ZNF430: variants seen among roughly 807,000 people sequenced by gnomAD.
ZNF430 encodes the protein zinc finger protein 430.
Under a neutral mutation model 56.7 loss-of-function variants are expected in ZNF430, and 35 were observed. The ratio of observed to expected loss-of-function variants is 0.62; its 90% CI spans 0.47 to 0.82. The LOEUF is 0.82. Among genes scored for constraint, ZNF430 ranks in the 40% least tolerant of loss-of-function variants. The pLI is 0.00. For missense variants in ZNF430, 574 were observed against 661.0 expected (o/e 0.87, Z 1.44); for synonymous variants, 212 against 224.3 (o/e 0.94, Z 0.49).
In ZNF430 at chr19:21,022,564, T is replaced by G. The variant is rs145073088; in HGVS notation, c.4-225T>G. On this transcript the variant is annotated intron_variant, in intron 1 of 4. Transcript: ENST00000261560. Reference sequence around the variant, plus strand: ...CTGTGTTGTAAAAACTCTCTGTGCTTCTTCTCCTTGTATCTTCTCTGGGCA... The same window carrying G: ...CTGTGTTGTAAAAACTCTCTGTGCTGCTTCTCCTTGTATCTTCTCTGGGCA... Among the ~76,000 whole-genome samples the G allele has an allele frequency of 4.0e-3, 612 of 152,230 alleles. 2 individuals carry two copies. The highest frequency in any genetic ancestry group is 0.014 in the African/African-American group (576 of 41,534).
At chr19:21,027,105 G>A (rs979359831) in intron 2 of ZNF430, among the ~76,000 whole-genome samples, 2 of 152,016 alleles carry the variant, frequency 1.3e-5, no homozygotes, top group South Asian at 4.1e-4. Context: ...TGGGATTACA[G>A]GCGTGAGCCC....
In ZNF430 at chr19:21,057,964, G is replaced by C; in HGVS notation, c.1656G>C (p.Gln552His). The change falls in exon 5 of 5, where the codon CAG (glutamine) becomes CAC (histidine). Residue 552 changes from glutamine (Q) to histidine (H), a missense_variant. Gln to His is a conservative substitution (Grantham distance 24, BLOSUM62 0). Coordinates refer to ENST00000261560, the MANE Select transcript of ZNF430 (RefSeq NM_025189.4). ...NCEEYGKAFN[Q>H]SSNLIEQSNS... ...AAGAATACGGCAAAGCTTTCAACCAGTCCTCAAACCTTATTGAACAAAGTA... is the reference window on the plus strand; with the variant it reads ...AAGAATACGGCAAAGCTTTCAACCACTCCTCAAACCTTATTGAACAAAGTA... The C allele has an allele frequency of 6.2e-7, 1 of 1,610,948 alleles. No individual in the cohort carries two copies. The highest frequency in any genetic ancestry group is 8.5e-7 in the Non-Finnish European group (1 of 1,178,984).
intron 4 of ZNF430, among the ~76,000 whole-genome samples, chr19:21,042,647 G>A (rs1168135743): frequency 6.6e-6 from 1 of 152,080 alleles, no homozygotes; most frequent in Non-Finnish European, 1.5e-5. Flanking sequence ...AATTAGCTGG[G>A]CGTGGTGGCG....
At chr19:21,054,204 T>G (rs1968332148) in intron 4 of ZNF430, among the ~76,000 whole-genome samples, 1 of 152,158 alleles carries the variant, frequency 6.6e-6, no homozygotes, top group South Asian at 2.1e-4. Context: ...AAAAATTCAA[T>G]TTTTGTGTTT....
intron 4 of ZNF430, among the ~76,000 whole-genome samples, chr19:21,038,298 C>T (rs1968039543): frequency 6.6e-6 from 1 of 151,776 alleles, no homozygotes; most frequent in Non-Finnish European, 1.5e-5. Context: ...CTATTGTTTC[C>T]TCTTGGCAGC....
intron 4 of ZNF430, chr19:21,053,310 T>C (rs758908146): frequency 2.0e-5 from 3 of 152,254 alleles, no homozygotes; most frequent in South Asian, 2.1e-4. Flanking sequence ...TTTATTTCCA[T>C]GTAACCTGCT....
intron 4 of ZNF430, among the ~76,000 whole-genome samples, chr19:21,041,076 T>C (rs1968093983): frequency 6.6e-6 from 1 of 152,234 alleles, no homozygotes; most frequent in African/African-American, 2.4e-5. Context: ...AGACAGCGTA[T>C]TGTATGCTTT....
rs920404657 is a variant in ZNF430, at chr19:21,025,732, G to A, written c.96+2851G>A. ...CTCCCCAGTAGCTGGGATTACAGGC[G>A]CCTACCACCATGCCTGGCTAATTTT... On this transcript the variant is annotated intron_variant, in intron 2 of 4. Transcript: ENST00000261560. Among the ~76,000 whole-genome samples, 5 of 146,684 alleles carry A rather than the reference G, an allele frequency of 3.4e-5. No homozygotes were observed. In the South Asian group the frequency reaches 1.1e-3, roughly 32 times the overall value.
At chr19:21,030,718 A>G (rs1352632878) in intron 2 of ZNF430, among the ~76,000 whole-genome samples, 5 of 152,124 alleles carry the variant, frequency 3.3e-5, no homozygotes, top group African/African-American at 1.2e-4. Context: ...ATCAGCATTG[A>G]CAGGGAACTT....
At position 21,058,606 on chromosome 19, in the gene ZNF430, C is replaced by T. The variant is rs1460138989; in HGVS notation, c.*585C>T. ...TGTGACAAGGCCTTTAAATGGTTGT[C>T]ACACTTCATTATAGGTAAGATAGTT... On this transcript the variant is annotated 3_prime_UTR_variant, in exon 5 of 5. Transcript: ENST00000261560. 1 of 157,082 alleles carries T rather than the reference C, an allele frequency of 6.4e-6. No individual in the cohort carries two copies. Among genetic ancestry groups the T allele is most frequent in the Non-Finnish European group, 1.4e-5 (1 of 69,008 alleles). The allele number at this position is 157,082 out of a possible 1,614,324, so 9.7% of individuals were successfully genotyped here.
chr19:21,020,712 C>A lies in ZNF430; in HGVS notation c.-89C>A. 1 of 1,567,074 alleles carries A rather than the reference C, an allele frequency of 6.4e-7. No individual in the cohort carries two copies. Among genetic ancestry groups the A allele is most frequent in the Non-Finnish European group, 8.8e-7 (1 of 1,139,074 alleles). On this transcript the variant is annotated 5_prime_UTR_variant, in exon 1 of 5. Transcript: ENST00000261560. ...CGTCTTCAGCGCTCTGTGTCCTCTG[C>A]TCCTAGAGGTCCAGGCTCTGTGGCC...
At chr19:21,030,080 G>T (rs1226799005) in intron 2 of ZNF430, among the ~76,000 whole-genome samples, 2 of 145,230 alleles carry the variant, frequency 1.4e-5, no homozygotes, top group Admixed American at 6.9e-5. Flanking sequence ...TTTATTTTAG[G>T]ATCTTATTTT....
Position 21,056,907 on chromosome 19 carries a change from C to T in ZNF430, c.599C>T (p.Thr200Ile), listed in dbSNP as rs1245643397. 2 of 1,612,408 alleles carry T rather than the reference C, an allele frequency of 1.2e-6. No homozygotes were observed. Among genetic ancestry groups the T allele is most frequent in the South Asian group, 1.1e-5 (1 of 90,712 alleles). ...SNPNIQKIRH[T>I]GKKPFKCKKC... ...CCAAATATACAAAAGATAAGACATACTGGAAAGAAGCCTTTCAAATGTAAA... is the reference window on the plus strand; with the variant it reads ...CCAAATATACAAAAGATAAGACATATTGGAAAGAAGCCTTTCAAATGTAAA... Residue 200 changes from threonine (T) to isoleucine (I), a missense_variant, in exon 5 of 5, where the codon ACT (threonine) becomes ATT (isoleucine). Transcript: ENST00000261560.
intron 4 of ZNF430, among the ~76,000 whole-genome samples, chr19:21,048,862 C>A (rs12985132): frequency 0.69 from 104,697 of 151,652 alleles, 40,078 homozygotes; most frequent in East Asian, 0.87. Context: ...AGGGGCTGCC[C>A]CCCACCTCCC....
At position 21,057,147 on chromosome 19, in the gene ZNF430, A is replaced by G; in HGVS notation, c.839A>G (p.Lys280Arg). ...CAGTCCTCAACCCTTACTACACATA[A>G]GATAATTCATACTGGAGAGAAACCC... is the stretch of plus-strand genomic sequence containing the variant. ...FKQSSTLTTH[K>R]IIHTGEKPYR... The change falls in exon 5 of 5, where the codon AAG becomes AGG. Residue 280 changes from lysine to arginine, a missense_variant. Around this residue, in one of 3 missense-constraint regions of ZNF430, gnomAD observed 346 missense variants for 399.1 expected, o/e 0.87. Coordinates refer to ENST00000261560, the MANE Select transcript of ZNF430 (RefSeq NM_025189.4). 1 of 1,614,066 alleles carries G rather than the reference A, an allele frequency of 6.2e-7. No homozygotes were observed. Among genetic ancestry groups the G allele is most frequent in the East Asian group, 2.2e-5 (1 of 44,866 alleles).
Position 21,033,541 on chromosome 19 carries a change from GAA to G in ZNF430, c.185_186del (p.Lys62SerfsTer19), listed in dbSNP as rs1379886590. On this transcript the variant is annotated frameshift_variant, in exon 3 of 5. Coordinates refer to ENST00000261560, the MANE Select transcript of ZNF430 (RefSeq NM_025189.4). LOFTEE classifies it high-confidence loss of function. ...GACACTGCTCAGCAGGATTTGTATA[GAA>G]AAGTGATGTTAGAGAACTACAGAAA... The G allele has an allele frequency of 1.2e-6, 2 of 1,611,218 alleles. No homozygotes were observed. Among genetic ancestry groups the G allele is most frequent in the African/African-American group, 2.7e-5 (2 of 74,826 alleles).
chr19:21,026,956 A>C (rs1191392793), intron 2 of ZNF430, among the ~76,000 whole-genome samples: 1 of 144,710 alleles, frequency 6.9e-6, no homozygotes, highest in African/African-American at 2.5e-5. Flanking sequence ...CAGCCTCCTG[A>C]GTAGCTGGGA....
intron 2 of ZNF430, among the ~76,000 whole-genome samples, chr19:21,025,629 C>T (rs1022990139): frequency 6.6e-6 from 1 of 152,098 alleles, no homozygotes; most frequent in Non-Finnish European, 1.5e-5. Flanking sequence ...CTCTGTTGCC[C>T]AGGCTGGAGT....
chr19:21,039,450 T>TTTATTTATTTAC (rs1230758431), intron 4 of ZNF430, among the ~76,000 whole-genome samples: 1 of 131,524 alleles, frequency 7.6e-6, no homozygotes, highest in African/African-American at 3.7e-5. Flanking sequence ...ACTTTTGCTA[T>TTTATTTATTTAC]TTATTTATTT....
Sources: gnomAD v4.1 joint callset for allele counts (sites outside exome capture counted in the v4.1 genomes callset) on GRCh38, gnomAD v4.1.1 for gene constraint, gnomAD v4.1.1 regional missense constraint, MANE v1.5 for transcripts, NCBI Gene and HGNC (gene_info 2026-07-23, HGNC 2026-07-21) for gene names.